Variants in RTN4 observed in about 807,000 individuals in gnomAD.
The protein encoded by RTN4 is reticulon-4.
RTN4 carries 32 observed loss-of-function variants against 90.4 expected under a neutral mutation model. The ratio of observed to expected loss-of-function variants is 0.35; its 90% CI spans 0.27 to 0.48. The LOEUF (loss-of-function observed/expected upper bound fraction) is 0.48. Ranked by LOEUF, RTN4 falls within the 20% of genes least tolerant of loss-of-function variation. The pLI, the probability that RTN4 is intolerant of heterozygous loss-of-function variation, is 0.99. For synonymous variants in RTN4, 629 were observed against 552.5 expected, an observed-to-expected ratio of 1.14 and a Z score of -1.94; for missense variants, 1,706 against 1,430.2, an observed-to-expected ratio of 1.19 and a Z score of -3.11.
intron 1 of RTN4, among the ~76,000 whole-genome samples, chr2:55,085,615 C>T (rs1668822879): frequency 6.6e-6 from 1 of 152,204 alleles, no homozygotes; most frequent in Non-Finnish European, 1.5e-5. Context: ...CTCACAGCAA[C>T]ATCTAGACAT....
intron 2 of RTN4, among the ~76,000 whole-genome samples, chr2:55,058,978 G>A (rs1050965018): frequency 6.6e-6 from 1 of 151,980 alleles, no homozygotes; most frequent in Non-Finnish European, 1.5e-5. Context: ...CAGAGTGCTG[G>A]GATTACAGGC....
At chr2:55,114,981 A>T (rs1388508217), upstream of RTN4, among the ~76,000 whole-genome samples, 1 of 152,196 alleles carries the variant, frequency 6.6e-6, no homozygotes, top group African/African-American at 2.4e-5. Context: ...ATGTGGGCTG[A>T]CAGGTTTCAT....
At chr2:55,088,664 G>A (rs1394763015) in intron 1 of RTN4, among the ~76,000 whole-genome samples, 1 of 152,210 alleles carries the variant, frequency 6.6e-6, no homozygotes, top group Non-Finnish European at 1.5e-5. Context: ...CCTCCAAAGG[G>A]TCTAGTAAGC....
At chr2:55,118,717 T>G in the RTN4 span, among the ~76,000 whole-genome samples, 3 of 152,186 alleles carry the variant, frequency 2.0e-5, no homozygotes, top group South Asian at 2.1e-4. Flanking sequence ...CAGCCATCAG[T>G]GCAGAGGGAA....
intron 1 of RTN4, among the ~76,000 whole-genome samples, chr2:55,097,789 T>C (rs1558879004): frequency 6.6e-6 from 1 of 152,076 alleles, no homozygotes. Context: ...AACAGGCTGT[T>C]CTGGAACTCA....
intron 4 of RTN4, among the ~76,000 whole-genome samples, chr2:54,983,597 AAT>A (rs1678319178): frequency 6.6e-6 from 1 of 152,166 alleles, no homozygotes; most frequent in Non-Finnish European, 1.5e-5. Context: ...ACATGCCCCA[AAT>A]ATGTCTCCTG....
At chr2:55,031,701 CTCATGAGCCCATATT>C (rs1480538362) in intron 1 of RTN4, among the ~76,000 whole-genome samples, 1 of 152,198 alleles carries the variant, frequency 6.6e-6, no homozygotes, top group East Asian at 1.9e-4. Context: ...CAAACCATGG[CTCATGAGCCCATATT>C]GTATTGGAAC....
rs1286676462 is a variant in RTN4 at position 55,028,240 on chromosome 2, T to G, written c.557-20A>C. The G allele has an allele frequency of 6.2e-7, 1 of 1,605,602 alleles. No homozygotes were observed. Among genetic ancestry groups the G allele is most frequent in the African/African-American group, 1.3e-5 (1 of 74,520 alleles). ...TCTCATCTGAAAAACAAATAGAATA[T>G]AACCTCAGCAGAAATAAAGACAGAT... On this transcript the variant is annotated intron_variant, in intron 1 of 8. Transcript: ENST00000337526.
chr2:55,026,553 TTGA>T lies in RTN4; in HGVS notation c.1543_1545del (p.Ser515del). 1 of 1,613,552 alleles carries T rather than the reference TTGA, an allele frequency of 6.2e-7. No individual in the cohort carries two copies. The highest frequency in any genetic ancestry group is 1.1e-5 in the South Asian group (1 of 91,076). On this transcript the variant is annotated inframe_deletion, in exon 3 of 9. Coordinates refer to ENST00000337526, the MANE Select transcript of RTN4 (RefSeq NM_020532.5). ...TCCTGTGCTGCTACAAGAAAAGGGT[TTGA>T]TGTTTTGGTGCTAGTATTCTTCTCT...
At chr2:54,973,775 A>G in intron 7 of RTN4, 46 bp downstream of exon 7, 1 of 1,575,324 alleles carries the variant, frequency 6.3e-7, no homozygotes, top group South Asian at 1.1e-5. Context: ...CCCATGTAAT[A>G]GAGTGAGTGC....
intron 1 of RTN4, among the ~76,000 whole-genome samples, chr2:55,044,087 T>C (rs892729490): frequency 4.0e-5 from 6 of 151,654 alleles, no homozygotes; most frequent in African/African-American, 1.5e-4. Context: ...TCCCAGCTAG[T>C]TGGGAGGCTG....
chr2:54,973,140 A>ATTAT lies in RTN4; in HGVS notation c.*12_*15dup, dbSNP rs766961310. On this transcript the variant is annotated 3_prime_UTR_variant, in exon 9 of 9. Coordinates refer to ENST00000337526, the MANE Select transcript of RTN4 (RefSeq NM_020532.5). ...CCCCTTTAAAGATGAACTCCTACTAATTATTTTGGGCGTTTTCATTCAGCT... is the reference window on the plus strand; with the variant it reads ...CCCCTTTAAAGATGAACTCCTACTAATTATTTATTTTGGGCGTTTTCATTCAGCT... The ATTAT allele has an allele frequency of 6.3e-7, 1 of 1,599,462 alleles. No homozygotes were observed.
intron 3 of RTN4, among the ~76,000 whole-genome samples, chr2:55,002,022 T>A (rs1157394806): frequency 6.6e-6 from 1 of 152,068 alleles, no homozygotes; most frequent in Non-Finnish European, 1.5e-5. Flanking sequence ...GGTTTTTATG[T>A]GCCAAGATAA....
chr2:55,127,022 C>A, the RTN4 span, among the ~76,000 whole-genome samples: 16 of 151,984 alleles, frequency 1.1e-4, no homozygotes, highest in Middle Eastern at 6.8e-3. Context: ...GGGGAGAGTA[C>A]GGGGAGGAAG....
intron 3 of RTN4, among the ~76,000 whole-genome samples, chr2:55,013,605 T>TGGTGGG (rs1167321220): frequency 4.0e-5 from 3 of 74,182 alleles, no homozygotes; most frequent in African/African-American, 7.7e-5. Flanking sequence ...GTGGGTTTTT[T>TGGTGGG]TTTGGGGGGG....
intron 2 of RTN4, among the ~76,000 whole-genome samples, chr2:55,058,676 G>A (rs1017594217): frequency 1.3e-5 from 2 of 152,028 alleles, no homozygotes; most frequent in Non-Finnish European, 2.9e-5. Flanking sequence ...AAAGAAGAGG[G>A]AAAATAAAGT....
chr2:55,125,190 T>C, the RTN4 span, among the ~76,000 whole-genome samples: 1 of 152,082 alleles, frequency 6.6e-6, no homozygotes, highest in Non-Finnish European at 1.5e-5. Flanking sequence ...ATCCTGGACA[T>C]AGGAATGGGC....
chr2:54,977,044 C>A (rs1677694686), intron 5 of RTN4, among the ~76,000 whole-genome samples: 1 of 152,162 alleles, frequency 6.6e-6, no homozygotes, highest in African/African-American at 2.4e-5. Context: ...TATAACACAC[C>A]TGATTAAAGA....
chr2:55,064,389 C>T (rs1424499635), intron 2 of RTN4, among the ~76,000 whole-genome samples: 1 of 137,540 alleles, frequency 7.3e-6, no homozygotes, highest in Admixed American at 8.1e-5. Flanking sequence ...CACTCTGTTG[C>T]CCAGGCTGGA....
Sources: gnomAD v4.1 joint callset for allele counts (sites outside exome capture counted in the v4.1 genomes callset) on GRCh38, gnomAD v4.1.1 for gene constraint, MANE v1.5 for transcripts, NCBI Gene and HGNC (gene_info 2026-07-23, HGNC 2026-07-21) for gene names.